Variants in RTN1 observed in about 807,000 individuals in gnomAD.
RTN1 encodes the protein reticulon-1.
Under a neutral mutation model 65.5 loss-of-function variants are expected in RTN1, and 25 were observed. The ratio of observed to expected loss-of-function variants is 0.38; its 90% CI spans 0.28 to 0.53. The LOEUF (loss-of-function observed/expected upper bound fraction) is 0.53, where lower values mean the gene tolerates loss of function less well. RTN1 is among the 20% of genes least tolerant of loss of function. RTN1 has a pLI of 0.79. For synonymous variants in RTN1, 471 were observed against 447.6 expected (o/e 1.05, Z -0.66); for missense variants, 983 against 1,025.4 (o/e 0.96, Z 0.57).
At chr14:59,681,864 T>A (rs925206732) in intron 3 of RTN1, among the ~76,000 whole-genome samples, 1 of 152,160 alleles carries the variant, frequency 6.6e-6, no homozygotes, top group Non-Finnish European at 1.5e-5. Flanking sequence ...GATTTCTACT[T>A]TCCAAATCTC....
Position 59,720,721 on chromosome 14 carries a change from CAAA to C in RTN1, c.1765+6195_1765+6197del, listed in dbSNP as rs3036118. ...TGAGTGACAGAGTAAGACCCTATCTCAAAAAAAAAAAAAAAAATACTCTAAGGT... is the reference window on the plus strand; with the variant it reads ...TGAGTGACAGAGTAAGACCCTATCTCAAAAAAAAAAAAAATACTCTAAGGT... On this transcript the variant is annotated intron_variant, in intron 3 of 8. Transcript: ENST00000267484. 9.7e-3 allele frequency among the ~76,000 whole-genome samples: 1,295 copies of C among 133,846 alleles called. 15 individuals carry two copies. Among genetic ancestry groups the C allele is most frequent in the African/African-American group, 0.03 (1,100 of 36,198 alleles). The allele number at this position is 133,846 out of a possible 152,430, so 87.8% of individuals were successfully genotyped here.
chr14:59,845,810 A>T (rs1436714904), intron 1 of RTN1, among the ~76,000 whole-genome samples: 2 of 151,520 alleles, frequency 1.3e-5, no homozygotes, highest in African/African-American at 4.9e-5. Context: ...AATCTCCCAA[A>T]CCCCTACCAC....
intron 6 of RTN1, among the ~76,000 whole-genome samples, chr14:59,603,588 C>T (rs981098552): frequency 6.6e-6 from 1 of 151,310 alleles, no homozygotes; most frequent in Non-Finnish European, 1.5e-5. Context: ...ATATATTGAT[C>T]CAAATATATA....
At chr14:59,713,091 G>A (rs1198098506) in intron 3 of RTN1, among the ~76,000 whole-genome samples, 2 of 152,046 alleles carry the variant, frequency 1.3e-5, no homozygotes, top group Non-Finnish European at 2.9e-5. Context: ...TATCTCCTTT[G>A]AACAGACAAA....
intron 3 of RTN1, among the ~76,000 whole-genome samples, chr14:59,706,139 C>T (rs1269231586): frequency 6.6e-6 from 1 of 152,214 alleles, no homozygotes; most frequent in East Asian, 1.9e-4. Context: ...AGACATTTCA[C>T]CTATTCTCTC....
At chr14:59,664,427 T>G (rs1162294797) in intron 3 of RTN1, among the ~76,000 whole-genome samples, 2 of 152,120 alleles carry the variant, frequency 1.3e-5, no homozygotes, top group Non-Finnish European at 2.9e-5. Context: ...GTAACAAACT[T>G]GCATGTTCTG....
chr14:59,795,620 A>G (rs887310040), intron 1 of RTN1, among the ~76,000 whole-genome samples: 15 of 152,330 alleles, frequency 9.8e-5, no homozygotes, highest in African/African-American at 3.4e-4. Flanking sequence ...TTTATTGTGA[A>G]CAAGTTGCCG....
At chr14:59,699,500 T>C (rs1884136266) in intron 3 of RTN1, among the ~76,000 whole-genome samples, 1 of 152,094 alleles carries the variant, frequency 6.6e-6, no homozygotes, top group Non-Finnish European at 1.5e-5. Context: ...AATGGCATAA[T>C]AAAGACACAG....
At chr14:59,741,620 A>G (rs1353960376) in intron 2 of RTN1, among the ~76,000 whole-genome samples, 2 of 151,954 alleles carry the variant, frequency 1.3e-5, no homozygotes, top group African/African-American at 4.8e-5. Flanking sequence ...TCAGCTTAAA[A>G]CCCTCCAATG....
At chr14:59,667,165 A>C (rs1883397293) in intron 3 of RTN1, among the ~76,000 whole-genome samples, 1 of 151,662 alleles carries the variant, frequency 6.6e-6, no homozygotes, top group Non-Finnish European at 1.5e-5. Flanking sequence ...AAAAAAGAGA[A>C]TTTTAGACCA....
rs569830156 is a variant in RTN1, at chr14:59,668,633, C to T, written c.1765+58286G>A. On this transcript the variant is annotated intron_variant, in intron 3 of 8. Transcript: ENST00000267484. ...CTAATTAAACTAAAGAGCTTCTGCA[C>T]GACAAAAGAAACTACCATCACAGTG... is the stretch of plus-strand genomic sequence containing the variant. Among the ~76,000 whole-genome samples the T allele has an allele frequency of 4.9e-3, 742 of 152,198 alleles. 5 individuals are homozygous for T. The highest frequency in any genetic ancestry group is 0.016 in the African/African-American group (661 of 41,508).
At chr14:59,710,812 A>G (rs1242750485) in intron 3 of RTN1, among the ~76,000 whole-genome samples, 1 of 152,242 alleles carries the variant, frequency 6.6e-6, no homozygotes, top group Non-Finnish European at 1.5e-5. Flanking sequence ...TAACCTGGGT[A>G]TACTGCCATA....
chr14:59,635,664 T>TA (rs1218551197), intron 3 of RTN1, among the ~76,000 whole-genome samples: 4 of 152,120 alleles, frequency 2.6e-5, no homozygotes, highest in African/African-American at 7.2e-5. Flanking sequence ...ATAATTAGAA[T>TA]ATATAACTTC....
intron 1 of RTN1, among the ~76,000 whole-genome samples, chr14:59,751,288 C>T (rs1185961822): frequency 1.4e-5 from 2 of 146,150 alleles, no homozygotes; most frequent in African/African-American, 5.1e-5. Flanking sequence ...AAGGATTGTC[C>T]TTATTTCCTA....
intron 1 of RTN1, among the ~76,000 whole-genome samples, chr14:59,764,613 C>T (rs892882497): frequency 2.6e-5 from 4 of 152,080 alleles, no homozygotes; most frequent in African/African-American, 7.2e-5. Flanking sequence ...TGAGCCATCG[C>T]GCCCAGCCGT....
chr14:59,628,912 A>G (rs1197079541), intron 3 of RTN1, among the ~76,000 whole-genome samples: 5 of 152,240 alleles, frequency 3.3e-5, no homozygotes, highest in Non-Finnish European at 7.3e-5. Flanking sequence ...TTTTGTTAAA[A>G]ATACTAGAAA....
chr14:59,645,862 G>C (rs1165910081), intron 3 of RTN1, among the ~76,000 whole-genome samples: 3 of 152,212 alleles, frequency 2.0e-5, no homozygotes, highest in African/African-American at 7.2e-5. Context: ...TAAATGCAGA[G>C]ATGAGAAAGA....
chr14:59,761,503 A>C (rs1364523272), intron 1 of RTN1, among the ~76,000 whole-genome samples: 1 of 152,166 alleles, frequency 6.6e-6, no homozygotes, highest in Non-Finnish European at 1.5e-5. Flanking sequence ...GGAACTGTGA[A>C]TCAATTAAAT....
At chr14:59,705,335 C>T (rs1167448944) in intron 3 of RTN1, among the ~76,000 whole-genome samples, 2 of 152,164 alleles carry the variant, frequency 1.3e-5, no homozygotes, top group Non-Finnish European at 2.9e-5. Flanking sequence ...TAATGAGTCT[C>T]TAAAGTTATC....
Sources: gnomAD v4.1 joint callset for allele counts (sites outside exome capture counted in the v4.1 genomes callset) on GRCh38, gnomAD v4.1.1 for gene constraint, MANE v1.5 for transcripts, NCBI Gene and HGNC (gene_info 2026-07-23, HGNC 2026-07-21) for gene names.